FBN3: variants seen among roughly 807,000 people sequenced by gnomAD.
FBN3 encodes the protein fibrillin-3.
Under a neutral mutation model 330.1 loss-of-function variants are expected in FBN3, and 234 were observed. The observed-to-expected ratio is 0.71, with a 90% CI of 0.64 to 0.79. The LOEUF (loss-of-function observed/expected upper bound fraction) is 0.79, where lower values mean the gene tolerates loss of function less well. Among genes scored for constraint, FBN3 ranks in the 30% least tolerant of loss-of-function variants. FBN3 has a pLI of 0.00. For missense variants in FBN3, 3,606 were observed against 3,886.9 expected, an observed-to-expected ratio of 0.93 and a Z score of 1.92; for synonymous variants, 1,458 against 1,517.3, an observed-to-expected ratio of 0.96 and a Z score of 0.91.
rs772027708 is a variant in FBN3 at position 8,086,267 on chromosome 19, G to A, written c.6813C>T (p.Thr2271=). The A allele has an allele frequency of 2.2e-5, 36 of 1,611,518 alleles. No homozygotes were observed. Among genetic ancestry groups the A allele is most frequent in the Middle Eastern group, 3.3e-4 (2 of 6,070 alleles). The change falls in exon 55 of 64, where the codon ACC becomes ACT. Residue 2271 remains threonine, a synonymous_variant. Coordinates refer to ENST00000600128, the MANE Select transcript of FBN3 (RefSeq NM_032447.5). ...DLCVNGRCVN[T]AGSFRCDCDE... ...CACAGTCGCACCGGAAGCTGCCCGC[G>A]GTGTTGACACAGCGGCCGTTGACAC...
chr19:8,097,078 G>A (rs1481041336), intron 42 of FBN3, 72 bp from the exon 43 acceptor site: 1 of 1,571,500 alleles, frequency 6.4e-7, no homozygotes, highest in Non-Finnish European at 8.7e-7. Context: ...GTGAAACCCA[G>A]TCCACTGCTT....
chr19:8,097,721 A>G (rs1318220718), intron 41 of FBN3, among the ~76,000 whole-genome samples: 2 of 152,230 alleles, frequency 1.3e-5, no homozygotes, highest in Non-Finnish European at 2.9e-5. Context: ...GCGGTATGAG[A>G]TGCTATTTAG....
intron 32 of FBN3, 27 bp downstream of exon 32, chr19:8,111,621 C>A: frequency 2.7e-6 from 4 of 1,474,704 alleles, no homozygotes; most frequent in South Asian, 1.2e-5. Flanking sequence ...CTCTAGGGCC[C>A]CTGCCCTCCC....
intron 57 of FBN3, 93 bp downstream of exon 57, chr19:8,083,154 C>T: frequency 1.3e-6 from 2 of 1,484,284 alleles, no homozygotes; most frequent in Non-Finnish European, 1.9e-6. Flanking sequence ...CCTAACATTG[C>T]AAAGTGGAAA....
intron 13 of FBN3, 25 bp downstream of exon 13, chr19:8,135,936 G>GGGGGGGGGGGGGGGGCGGCCCC: frequency 1.5e-6 from 1 of 668,778 alleles, no homozygotes; most frequent in Non-Finnish European, 2.4e-6. Flanking sequence ...GGAAGCCCCT[G>GGGGGGGGGGGGGGGGCGGCCCC]CCCACCCGCC....
intron 1 of FBN3, chr19:8,148,644 C>T (rs922734380): frequency 6.6e-6 from 1 of 152,332 alleles, no homozygotes; most frequent in African/African-American, 2.4e-5. Context: ...AAGTGGCCTT[C>T]CTGTTCCATT....
At chr19:8,116,840 G>A in intron 28 of FBN3, 41 bp from the exon 29 acceptor site, 1 of 1,601,336 alleles carries the variant, frequency 6.2e-7, no homozygotes. Flanking sequence ...GCTTTGCCCT[G>A]ATAGACCACC....
chr19:8,105,337 A>T (rs2082416457), intron 38 of FBN3, among the ~76,000 whole-genome samples: 1 of 149,492 alleles, frequency 6.7e-6, no homozygotes, highest in Non-Finnish European at 1.5e-5. Flanking sequence ...GGCTCACTGC[A>T]GCCTCGACTT....
Position 8,075,280 on chromosome 19 carries a change from T to C in FBN3, c.7582+3A>G, listed in dbSNP as rs2081613993. The C allele has an allele frequency of 6.2e-7, 1 of 1,610,208 alleles. No individual in the cohort carries two copies. Among genetic ancestry groups the C allele is most frequent in the South Asian group, 1.1e-5 (1 of 90,838 alleles). On this transcript the variant is annotated splice_donor_region_variant and intron_variant, in intron 60 of 63. Transcript: ENST00000600128. ...CTAGACCCCAGCCAAAGCTGGGCTG[T>C]ACCTTCACAGCCATGGCCTGAGCTG...
chr19:8,077,812 G>A (rs1257671845), intron 59 of FBN3, among the ~76,000 whole-genome samples: 6 of 150,646 alleles, frequency 4.0e-5, no homozygotes, highest in South Asian at 2.1e-4. Context: ...GCCAGGCACC[G>A]TGGCCTGCAA....
rs561945946 is a variant in FBN3 at position 8,122,529 on chromosome 19, G to A, written c.3082+935C>T. On this transcript the variant is annotated intron_variant, in intron 24 of 63. Coordinates refer to ENST00000600128, the MANE Select transcript of FBN3 (RefSeq NM_032447.5). Reference sequence around the variant, plus strand: ...TTACAGGCGCCCGCCACCAGGCCCAGCTAATTTTTGTATCTTTAGTAGAGA... The same window carrying A: ...TTACAGGCGCCCGCCACCAGGCCCAACTAATTTTTGTATCTTTAGTAGAGA... Among the ~76,000 whole-genome samples, 8 of 151,962 alleles carry A rather than the reference G, an allele frequency of 5.3e-5. No homozygotes were observed. The East Asian group carries it at 5.9e-4, about 11-fold the overall frequency.
intron 29 of FBN3, 128 bp from the exon 30 acceptor site, chr19:8,115,768 A>G (rs1022491660): frequency 2.8e-6 from 3 of 1,080,548 alleles, no homozygotes; most frequent in African/African-American, 3.2e-5. Context: ...CTCTGCTAGG[A>G]CTCTCTTTCT....
intron 63 of FBN3, 45 bp from the exon 64 acceptor site, chr19:8,066,305 G>T: frequency 7.1e-7 from 1 of 1,411,600 alleles, no homozygotes. Flanking sequence ...AGGAGAATCG[G>T]GATGTGGTGT....
At position 8,096,750 on chromosome 19, in the gene FBN3, A is replaced by G. The variant is rs1019652796; in HGVS notation, c.5413+131T>C. 2 of 1,257,042 alleles carry G rather than the reference A, an allele frequency of 1.6e-6. No homozygotes were observed. The highest frequency in any genetic ancestry group is 2.2e-6 in the Non-Finnish European group (2 of 901,628). 77.9% of individuals were successfully genotyped at this position (1,257,042 alleles called of 1,614,324 possible). A position where few individuals can be genotyped will look rare whatever the true frequency, so the allele number is the denominator to read the frequency against. ...CCTCTATCACATCCTATTAACAGAC[A>G]CTCTCAATACATCCCCCACCCCCCT... On this transcript the variant is annotated intron_variant, in intron 43 of 63. Coordinates refer to ENST00000600128, the MANE Select transcript of FBN3 (RefSeq NM_032447.5). This position sits in a 1 kb window ranked among gnomAD's most constrained non-coding sequence, Gnocchi z 4.6.
intron 13 of FBN3, 25 bp downstream of exon 13, chr19:8,135,936 G>GGGGGGGGGGGGGGCCCGCCCC: frequency 1.5e-6 from 1 of 668,778 alleles, no homozygotes; most frequent in East Asian, 3.9e-5. Flanking sequence ...GGAAGCCCCT[G>GGGGGGGGGGGGGGCCCGCCCC]CCCACCCGCC....
chr19:8,129,424 G>A lies in FBN3; in HGVS notation c.2045-59C>T. 1 of 1,600,256 alleles carries A rather than the reference G, an allele frequency of 6.2e-7. No homozygotes were observed. Among genetic ancestry groups the A allele is most frequent in the Non-Finnish European group, 8.5e-7 (1 of 1,172,412 alleles). On this transcript the variant is annotated intron_variant, in intron 16 of 63. Coordinates refer to ENST00000600128, the MANE Select transcript of FBN3 (RefSeq NM_032447.5). This position sits in a 1 kb window ranked among gnomAD's most constrained non-coding sequence, Gnocchi z 4.5. ...GAAGGAGGGTGTGTCCGAGGCAGGA[G>A]GAGGGTGTGTCGCGGCGCACCAGGG...
chr19:8,078,014 T>C lies in FBN3; in HGVS notation c.7454-2603A>G, dbSNP rs562484641. ...ATCGCTTGAACCTGGGAGGTGAGAT[T>C]GCAGTGAGCTGAGATTGCACCACTG... On this transcript the variant is annotated intron_variant, in intron 59 of 63. Transcript: ENST00000600128. 7.3e-5 allele frequency among the ~76,000 whole-genome samples: 11 copies of C among 151,686 alleles called. No individual in the cohort carries two copies. In the South Asian group the frequency reaches 2.1e-3, roughly 29 times the overall value.
At chr19:8,076,204 A>G (rs2081635336) in intron 59 of FBN3, among the ~76,000 whole-genome samples, 1 of 150,860 alleles carries the variant, frequency 6.6e-6, no homozygotes, top group Non-Finnish European at 1.5e-5. Flanking sequence ...AAAAAAATAA[A>G]TCTCTGTAGT....
At chr19:8,141,870 T>A (rs1276501283) in intron 7 of FBN3, 28 bp from the exon 8 acceptor site, 1 of 1,612,364 alleles carries the variant, frequency 6.2e-7, no homozygotes, top group African/African-American at 1.3e-5. Context: ...GGCAGGGGAG[T>A]GAGAGGCCCA....
Sources: allele counts gnomAD v4.1 joint callset (sites outside exome capture counted in the v4.1 genomes callset), GRCh38; gene constraint gnomAD v4.1.1; non-coding constraint Gnocchi (gnomAD v3.1); transcripts MANE v1.5; gene names NCBI Gene and HGNC (gene_info 2026-07-23, HGNC 2026-07-21).